The following PITPNC1 variants were observed in gnomAD, a reference collection of about 807,000 sequenced individuals.
The protein encoded by PITPNC1 is phosphatidylinositol transfer protein cytoplasmic 1.
A neutral mutation model predicts 44.7 loss-of-function variants in PITPNC1; 18 were observed. The observed-to-expected ratio is 0.40, with a 90% confidence interval of 0.28 to 0.60. PITPNC1 has a LOEUF of 0.60. Among genes scored for constraint, PITPNC1 ranks in the 20% least tolerant of loss-of-function variants. PITPNC1 has a pLI of 0.39. For synonymous variants in PITPNC1, 141 were observed against 149.6 expected (o/e 0.94, Z 0.42); for missense variants, 290 against 418.4 (o/e 0.69, Z 2.68).
chr17:67,568,070 A>T (rs908957328), intron 4 of PITPNC1, among the ~76,000 whole-genome samples: 1 of 152,232 alleles, frequency 6.6e-6, no homozygotes, highest in Non-Finnish European at 1.5e-5. Context: ...CTGTGGCAGT[A>T]TTGTTCATAG....
At chr17:67,397,126 G>A (rs981391713) in intron 1 of PITPNC1, among the ~76,000 whole-genome samples, 9 of 151,940 alleles carry the variant, frequency 5.9e-5, no homozygotes, top group African/African-American at 1.7e-4. Flanking sequence ...GATTACAGGC[G>A]CCTGCCACCA....
intron 1 of PITPNC1, among the ~76,000 whole-genome samples, chr17:67,483,976 T>C (rs1300149542): frequency 6.7e-6 from 1 of 150,132 alleles, no homozygotes; most frequent in East Asian, 2.0e-4. Flanking sequence ...TGGAGTGCCG[T>C]GGCATGATCT....
At chr17:67,545,520 G>A (rs748168028) in intron 2 of PITPNC1, among the ~76,000 whole-genome samples, 4 of 152,112 alleles carry the variant, frequency 2.6e-5, no homozygotes, top group African/African-American at 4.8e-5. Context: ...AGGTTGCAGC[G>A]AGCTGAGATT....
chr17:67,686,247 A>C (rs1308733390), intron 8 of PITPNC1, among the ~76,000 whole-genome samples: 1 of 148,998 alleles, frequency 6.7e-6, no homozygotes. Flanking sequence ...AGGATGCTCC[A>C]TAGTGTCCCT....
intron 4 of PITPNC1, among the ~76,000 whole-genome samples, chr17:67,562,947 A>G (rs1235028902): frequency 6.6e-6 from 1 of 152,222 alleles, no homozygotes; most frequent in Non-Finnish European, 1.5e-5. Context: ...AACTGTCTGT[A>G]TACACATTTA....
At chr17:67,684,646 C>A (rs1323349975) in intron 8 of PITPNC1, among the ~76,000 whole-genome samples, 1 of 151,780 alleles carries the variant, frequency 6.6e-6, no homozygotes, top group Non-Finnish European at 1.5e-5. Flanking sequence ...ATATACAGTT[C>A]TTTTTACCTA....
intron 8 of PITPNC1, among the ~76,000 whole-genome samples, chr17:67,692,248 T>TAC (rs1327806975): frequency 6.6e-6 from 1 of 152,028 alleles, no homozygotes; most frequent in Non-Finnish European, 1.5e-5. Flanking sequence ...TGCACACACA[T>TAC]ACACACACAC....
chr17:67,562,499 C>A (rs1422795844), intron 4 of PITPNC1, among the ~76,000 whole-genome samples: 1 of 152,116 alleles, frequency 6.6e-6, no homozygotes, highest in Non-Finnish European at 1.5e-5. Context: ...TATTTACATG[C>A]AATTCCTTTT....
At chr17:67,516,669 A>G (rs2040263363) in intron 1 of PITPNC1, among the ~76,000 whole-genome samples, 1 of 152,142 alleles carries the variant, frequency 6.6e-6, no homozygotes, top group Non-Finnish European at 1.5e-5. Context: ...TCAGTCGCCC[A>G]GGCTGGAGTG....
At chr17:67,386,420 T>G (rs1199210628) in intron 1 of PITPNC1, among the ~76,000 whole-genome samples, 4 of 152,188 alleles carry the variant, frequency 2.6e-5, no homozygotes, top group Admixed American at 2.6e-4. Context: ...CTCGAACTCC[T>G]GACCTCAGGT....
intron 1 of PITPNC1, among the ~76,000 whole-genome samples, chr17:67,530,587 G>C (rs749603568): frequency 6.6e-6 from 1 of 152,174 alleles, no homozygotes; most frequent in Non-Finnish European, 1.5e-5. Flanking sequence ...TGGGTTACTA[G>C]GGGTCAGGAC....
chr17:67,445,350 G>T (rs957183772), intron 1 of PITPNC1, among the ~76,000 whole-genome samples: 2 of 151,966 alleles, frequency 1.3e-5, no homozygotes, highest in African/African-American at 4.8e-5. Flanking sequence ...AAGGGAGGAA[G>T]ATCAGAGATA....
At chr17:67,392,877 C>G (rs780086853) in intron 1 of PITPNC1, among the ~76,000 whole-genome samples, 1 of 151,906 alleles carries the variant, frequency 6.6e-6, no homozygotes, top group Non-Finnish European at 1.5e-5. Flanking sequence ...CCTAGCACTT[C>G]GGGAGGCCAA....
chr17:67,388,573 G>C (rs2038089035), intron 1 of PITPNC1, among the ~76,000 whole-genome samples: 1 of 151,482 alleles, frequency 6.6e-6, no homozygotes, highest in East Asian at 2.0e-4. Flanking sequence ...ACCTGTCTTG[G>C]CCTCTCAAAG....
rs1271049792 is a variant in PITPNC1, at chr17:67,686,077, C to T, written c.683-6495C>T. Among the ~76,000 whole-genome samples the T allele has an allele frequency of 7.9e-5, 12 of 151,868 alleles. 1 individual carries two copies. The highest frequency in any genetic ancestry group is 2.7e-4 in the African/African-American group (11 of 41,376). On this transcript the variant is annotated intron_variant, in intron 8 of 8. Coordinates refer to ENST00000581322, the MANE Select transcript of PITPNC1 (RefSeq NM_012417.4). ...AACTCCTGACCTCAATTGATCCACCCGCCTTGGCCTCCCAAAGTGCTGGGA... is the reference window on the plus strand; with the variant it reads ...AACTCCTGACCTCAATTGATCCACCTGCCTTGGCCTCCCAAAGTGCTGGGA...
At chr17:67,620,484 T>C (rs1048757133) in intron 5 of PITPNC1, among the ~76,000 whole-genome samples, 1 of 152,154 alleles carries the variant, frequency 6.6e-6, no homozygotes, top group Non-Finnish European at 1.5e-5. Flanking sequence ...AGAGGTGTTC[T>C]CTGGAGCTCC....
chr17:67,449,713 G>A (rs2039149430), intron 1 of PITPNC1, among the ~76,000 whole-genome samples: 1 of 152,144 alleles, frequency 6.6e-6, no homozygotes, highest in Admixed American at 6.5e-5. Flanking sequence ...ACAAAAAGTT[G>A]TCATATACAG....
intron 6 of PITPNC1, among the ~76,000 whole-genome samples, chr17:67,647,485 T>TG (rs2042165262): frequency 7.9e-6 from 1 of 126,232 alleles, no homozygotes; most frequent in Non-Finnish European, 1.6e-5. Flanking sequence ...TTTTTTTTTT[T>TG]TTTTTTTTGT....
chr17:67,686,033 G>A (rs1387875391), intron 8 of PITPNC1, among the ~76,000 whole-genome samples: 2 of 151,732 alleles, frequency 1.3e-5, no homozygotes, highest in Non-Finnish European at 2.9e-5. Flanking sequence ...GTTTCACCAT[G>A]TTGTCCAGGC....
Sources: gnomAD v4.1 joint callset for allele counts (sites outside exome capture counted in the v4.1 genomes callset) on GRCh38, gnomAD v4.1.1 for gene constraint, MANE v1.5 for transcripts, NCBI Gene and HGNC (gene_info 2026-07-23, HGNC 2026-07-21) for gene names.